The following ZKSCAN7 variants were observed in gnomAD, a reference collection of about 807,000 sequenced individuals.
ZKSCAN7 encodes the protein zinc finger protein with KRAB and SCAN domains 7.
ZKSCAN7 carries 38 observed loss-of-function variants against 65.3 expected under a neutral mutation model. The ratio of observed to expected loss-of-function variants is 0.58; its 90% confidence interval spans 0.45 to 0.76. The LOEUF (loss-of-function observed/expected upper bound fraction) is 0.76. Ranked by LOEUF, ZKSCAN7 falls within the 30% of genes least tolerant of loss-of-function variation. The probability of loss-of-function intolerance (pLI) is 0.00; values close to 1 mark genes in which losing one functional copy is unlikely to be tolerated. For synonymous variants in ZKSCAN7, 321 were observed against 321.0 expected, an observed-to-expected ratio of 1.00 and a Z score of 0.00; for missense variants, 815 against 913.3, an observed-to-expected ratio of 0.89 and a Z score of 1.39.
chr3:44,572,121 A>T lies in ZKSCAN7; in HGVS notation c.*746A>T. The T allele has an allele frequency of 1.0e-6, 1 of 984,016 alleles. No homozygotes were observed. The highest frequency in any genetic ancestry group is 1.2e-6 in the Non-Finnish European group (1 of 828,696). The allele number at this position is 984,016 out of a possible 1,614,324, so 61.0% of individuals were successfully genotyped here. ...CTTTCCCATATAGATAGTATTTTGT[A>T]CATACCAGTTGTTAAATAAATAATT... On this transcript the variant is annotated 3_prime_UTR_variant, in exon 6 of 6. Transcript: ENST00000426540.
At chr3:44,564,079 C>T (rs1699559990) in intron 2 of ZKSCAN7, among the ~76,000 whole-genome samples, 1 of 152,160 alleles carries the variant, frequency 6.6e-6, no homozygotes, top group South Asian at 2.1e-4. Flanking sequence ...TTACCTCATG[C>T]TGTGCTATGT....
rs549435912 is a variant in ZKSCAN7 at position 44,556,116 on chromosome 3, G to T, written c.-119+635G>T. Among the ~76,000 whole-genome samples, 3 of 152,304 alleles carry T rather than the reference G, an allele frequency of 2.0e-5. No homozygotes were observed. The East Asian group carries it at 5.8e-4, about 29-fold the overall frequency. On this transcript the variant is annotated intron_variant, in intron 1 of 5. Coordinates refer to ENST00000426540, the MANE Select transcript of ZKSCAN7 (RefSeq NM_001288590.2). ...TCTCTAAGCCTAGCGTGATCAGGAAGGCTTTCTAGGGGAGGTGCATTGAGT... is the reference window on the plus strand; with the variant it reads ...TCTCTAAGCCTAGCGTGATCAGGAATGCTTTCTAGGGGAGGTGCATTGAGT...
rs1699774289 is a variant in ZKSCAN7, at chr3:44,570,604, T to C, written c.1494T>C (p.Asn498=). 6.2e-7 allele frequency: 1 copy of C among 1,614,130 alleles called. No individual in the cohort carries two copies. The highest frequency in any genetic ancestry group is 1.3e-5 in the African/African-American group (1 of 75,028). ...THTGEKPYEC[N]ECGEAFIRSK... ...CTGGGGAGAAACCTTATGAATGCAA[T>C]GAGTGTGGAGAGGCATTCATTCGAA... The change falls in exon 6 of 6, where the codon AAT becomes AAC. Residue 498 remains asparagine (N), a synonymous_variant. Transcript: ENST00000426540.
At chr3:44,558,945 A>G (rs1699382178) in intron 2 of ZKSCAN7, among the ~76,000 whole-genome samples, 1 of 151,440 alleles carries the variant, frequency 6.6e-6, no homozygotes, top group South Asian at 2.1e-4. Flanking sequence ...CACCAGGCTA[A>G]TTTTTTTTAT....
chr3:44,583,457 T>C (rs1218131219), exon 6 of ZKSCAN7: 1 of 152,306 alleles, frequency 6.6e-6, no homozygotes, highest in Non-Finnish European at 1.5e-5. Flanking sequence ...ATACTGAATA[T>C]TTGTCAATTG....
chr3:44,555,962 T>G (rs1699280842), intron 1 of ZKSCAN7, among the ~76,000 whole-genome samples: 1 of 152,250 alleles, frequency 6.6e-6, no homozygotes, highest in African/African-American at 2.4e-5. Context: ...AAGTCAGCTC[T>G]GCCCTTTGTA....
chr3:44,578,126 C>T (rs531140749), intron 5 of ZKSCAN7: 18 of 1,537,624 alleles, frequency 1.2e-5, no homozygotes, highest in South Asian at 6.7e-5. Context: ...CCAGTGCTTC[C>T]GTTGCAGCCT....
At chr3:44,568,231 T>C in intron 4 of ZKSCAN7, 76 bp from the exon 5 acceptor site, 1 of 1,574,566 alleles carries the variant, frequency 6.4e-7, no homozygotes. Flanking sequence ...GCCCATACCC[T>C]GTGCCCTTCG....
rs1699791751 is a variant in ZKSCAN7 at position 44,571,027 on chromosome 3, G to T, written c.1917G>T (p.Glu639Asp). The T allele has an allele frequency of 6.2e-7, 1 of 1,614,206 alleles. No homozygotes were observed. Among genetic ancestry groups the T allele is most frequent in the East Asian group, 2.2e-5 (1 of 44,886 alleles). ...GTGAAAAGCCCTATAAATGCAATGA[G>T]TGTGGAAAATCCTTCAATCAAAACT... is the stretch of plus-strand genomic sequence containing the variant. ...HTGEKPYKCN[E>D]CGKSFNQNSH... Residue 639 changes from glutamate to aspartate, a missense_variant, in exon 6 of 6, where the codon GAG (glutamate) becomes GAT (aspartate). Glu to Asp is a conservative substitution (Grantham distance 45, BLOSUM62 2). This residue lies in a region of ZKSCAN7 where 578 missense variants were observed against 629.5 expected (regional missense o/e 0.92). Transcript: ENST00000426540.
chr3:44,568,583 C>A, intron 5 of ZKSCAN7, 150 bp downstream of exon 5: 1 of 1,149,848 alleles, frequency 8.7e-7, no homozygotes, highest in South Asian at 1.6e-5. Context: ...GCATTCATCA[C>A]TGAGATTCAA....
At position 44,571,252 on chromosome 3, in the gene ZKSCAN7, C is replaced by A; in HGVS notation, c.2142C>A (p.Thr714=). Residue 714 remains threonine, a synonymous_variant, in exon 6 of 6, where the codon ACC becomes ACA. Coordinates refer to ENST00000426540, the MANE Select transcript of ZKSCAN7 (RefSeq NM_001288590.2). ...SQLIVHQRVH[T]GEKPYECSEC... ...TTATTGTACACCAGAGAGTCCACACCGGAGAGAAACCTTATGAATGTAGTG... is the reference window on the plus strand; with the variant it reads ...TTATTGTACACCAGAGAGTCCACACAGGAGAGAAACCTTATGAATGTAGTG... The A allele has an allele frequency of 6.2e-7, 1 of 1,613,824 alleles. No homozygotes were observed. Among genetic ancestry groups the A allele is most frequent in the Non-Finnish European group, 8.5e-7 (1 of 1,179,954 alleles).
chr3:44,567,183 G>A lies in ZKSCAN7; in HGVS notation c.593-729G>A, dbSNP rs201913325. 9.6e-3 allele frequency among the ~76,000 whole-genome samples: 969 copies of A among 101,250 alleles called. 15 individuals are homozygous for A. The highest frequency in any genetic ancestry group is 0.033 in the African/African-American group (921 of 27,760). The allele number at this position is 101,250 out of a possible 152,430, so 66.4% of individuals were successfully genotyped here. A position where few individuals can be genotyped will look rare whatever the true frequency, so the allele number is the denominator to read the frequency against. The stretch of plus-strand genomic sequence containing the variant: ...GAAAAAGAGAAGAGAAAAGAAAAGA[G>A]AGAAAAGAAAGAGAGGGAGGGAGGG... On this transcript the variant is annotated intron_variant, in intron 3 of 5. Transcript: ENST00000426540.
intron 2 of ZKSCAN7, among the ~76,000 whole-genome samples, chr3:44,562,976 CAA>C (rs976381231): frequency 2.3e-5 from 3 of 128,350 alleles, no homozygotes; most frequent in African/African-American, 6.3e-5. Context: ...TCTCAAAAAA[CAA>C]AAAAAAAAAA....
Position 44,570,874 on chromosome 3 carries a change from C to A in ZKSCAN7, c.1764C>A (p.Phe588Leu). The A allele has an allele frequency of 6.2e-7, 1 of 1,613,832 alleles. No homozygotes were observed. Among genetic ancestry groups the A allele is most frequent in the East Asian group, 2.2e-5 (1 of 44,824 alleles). ...AATGTAGTGAATGTGGGAAAGCCTTCAATCAGAACTCTCAACTCATTGAGC... is the reference window on the plus strand; with the variant it reads ...AATGTAGTGAATGTGGGAAAGCCTTAAATCAGAACTCTCAACTCATTGAGC... ...PYKCSECGKAFNQNSQLIEHE... is the reference protein window; with the variant it reads ...PYKCSECGKALNQNSQLIEHE... Residue 588 changes from phenylalanine to leucine, a missense_variant, in exon 6 of 6, where the codon TTC becomes TTA. This residue lies in a region of ZKSCAN7 where 578 missense variants were observed against 629.5 expected (regional missense o/e 0.92). Transcript: ENST00000426540.
rs761327150 is a variant in ZKSCAN7, at chr3:44,571,381, G to T, written c.*6G>T. ...TGGCTTGGTCAGTTTCTTAAGGTAT[G>T]GTTCTCTGAGACAGAGAGCAACGAC... is the stretch of plus-strand genomic sequence containing the variant. On this transcript the variant is annotated 3_prime_UTR_variant, in exon 6 of 6. Coordinates refer to ENST00000426540, the MANE Select transcript of ZKSCAN7 (RefSeq NM_001288590.2). 1.2e-6 allele frequency: 2 copies of T among 1,613,476 alleles called. No homozygotes were observed. Among genetic ancestry groups the T allele is most frequent in the East Asian group, 4.5e-5 (2 of 44,878 alleles).
Position 44,557,151 on chromosome 3 carries a change from C to T in ZKSCAN7, c.104C>T (p.Thr35Ile). 1 of 1,614,278 alleles carries T rather than the reference C, an allele frequency of 6.2e-7. No individual in the cohort carries two copies. The highest frequency in any genetic ancestry group is 8.5e-7 in the Non-Finnish European group (1 of 1,180,048). ...LTVKQEPANQ[T>I]WGQGSSLQKN... ...GTGAAGCAGGAGCCAGCAAACCAGA[C>T]CTGGGGGCAGGGCAGCAGTCTCCAG... is the stretch of plus-strand genomic sequence containing the variant. Residue 35 changes from threonine (T) to isoleucine (I), a missense_variant, in exon 2 of 6, where the codon ACC becomes ATC. Around this residue, in one of 3 missense-constraint regions of ZKSCAN7, gnomAD observed 227 missense variants for 253.3 expected, o/e 0.90. Coordinates refer to ENST00000426540, the MANE Select transcript of ZKSCAN7 (RefSeq NM_001288590.2).
chr3:44,577,078 C>T (rs1699936343), downstream of ZKSCAN7, among the ~76,000 whole-genome samples: 1 of 151,896 alleles, frequency 6.6e-6, no homozygotes, highest in Admixed American at 6.6e-5. Flanking sequence ...ATCTTTGCAC[C>T]TCAGCCTCCT....
intron 2 of ZKSCAN7, among the ~76,000 whole-genome samples, chr3:44,561,977 C>A (rs963498594): frequency 4.6e-5 from 7 of 152,254 alleles, no homozygotes; most frequent in Non-Finnish European, 1.0e-4. Flanking sequence ...TGGCCCTCTT[C>A]TCACAGCTCC....
In ZKSCAN7 at chr3:44,571,980, C is replaced by G; in HGVS notation, c.*605C>G. The G allele has an allele frequency of 2.0e-6, 2 of 986,586 alleles. No homozygotes were observed. The highest frequency in any genetic ancestry group is 5.2e-4 in the Middle Eastern group (1 of 1,914). The allele number at this position is 986,586 out of a possible 1,614,324, so 61.1% of individuals were successfully genotyped here. A position where few individuals can be genotyped will look rare whatever the true frequency, so the allele number is the denominator to read the frequency against. On this transcript the variant is annotated 3_prime_UTR_variant, in exon 6 of 6. Transcript: ENST00000426540. ...AACTTCTCTTGATTTGACCTCAGTG[C>G]TTTGAATTCACTGGTGCTACAATAT...
Sources: gnomAD v4.1 joint callset for allele counts (sites outside exome capture counted in the v4.1 genomes callset) on GRCh38, gnomAD v4.1.1 for gene constraint, gnomAD v4.1.1 regional missense constraint, MANE v1.5 for transcripts, NCBI Gene and HGNC (gene_info 2026-07-23, HGNC 2026-07-21) for gene names.